The following ANKRD31 variants were observed in gnomAD, a reference collection of about 807,000 sequenced individuals.
ANKRD31 encodes ankyrin repeat domain 31, also known as ankyrin repeat domain-containing protein 31.
Under a neutral mutation model 186.0 loss-of-function variants are expected in ANKRD31, and 147 were observed. The ratio of observed to expected loss-of-function variants is 0.79; its 90% CI spans 0.69 to 0.91. The LOEUF is 0.91. Ranked by LOEUF, ANKRD31 falls within the 40% of genes least tolerant of loss-of-function variation. The pLI, the probability that ANKRD31 is intolerant of heterozygous loss-of-function variation, is 0.00. For synonymous variants in ANKRD31, 673 were observed against 736.4 expected, an observed-to-expected ratio of 0.91 and a Z score of 1.39; for missense variants, 1,986 against 2,148.8, an observed-to-expected ratio of 0.92 and a Z score of 1.50.
intron 1 of ANKRD31, among the ~76,000 whole-genome samples, chr5:75,235,148 C>T (rs1228372374): frequency 1.3e-5 from 2 of 148,714 alleles, no homozygotes; most frequent in Non-Finnish European, 3.0e-5. Context: ...CCTTATTGTT[C>T]TTATTTTTCA....
Position 75,236,718 on chromosome 5 carries a change from T to G in ANKRD31, c.-32A>C, listed in dbSNP as rs1454991672. 6.0e-6 allele frequency: 9 copies of G among 1,492,988 alleles called. No individual in the cohort carries two copies. In the South Asian group the frequency reaches 1.1e-4, roughly 18 times the overall value. The allele number at this position is 1,492,988 out of a possible 1,614,324, so 92.5% of individuals were successfully genotyped here. A position where few individuals can be genotyped will look rare whatever the true frequency, so the allele number is the denominator to read the frequency against. Reference sequence around the variant, plus strand: ...CTCACATTCAAAGTCTTTTTTACCCTCCTCTAACTCCCTCTTGCCCGCAAA... The same window carrying G: ...CTCACATTCAAAGTCTTTTTTACCCGCCTCTAACTCCCTCTTGCCCGCAAA... On this transcript the variant is annotated 5_prime_UTR_variant, in exon 1 of 26. Coordinates refer to ENST00000506364, the MANE Select transcript of ANKRD31 (RefSeq NM_001372053.1).
intron 17 of ANKRD31, among the ~76,000 whole-genome samples, chr5:75,137,175 A>C (rs1750654864): frequency 6.6e-6 from 1 of 152,152 alleles, no homozygotes; most frequent in African/African-American, 2.4e-5. Context: ...TAAAAAAAGT[A>C]GATACTTTAA....
chr5:75,182,334 T>A (rs72768335), intron 10 of ANKRD31, among the ~76,000 whole-genome samples: 1 of 152,180 alleles, frequency 6.6e-6, no homozygotes, highest in South Asian at 2.1e-4. Flanking sequence ...AGTCGTTAAC[T>A]TTGGAATGCA....
intron 22 of ANKRD31, among the ~76,000 whole-genome samples, chr5:75,099,805 A>G (rs993450625): frequency 6.6e-6 from 1 of 151,938 alleles, no homozygotes; most frequent in Admixed American, 6.6e-5. Flanking sequence ...TATTGCGTCT[A>G]TTTGACTCTT....
chr5:75,132,500 G>A (rs1038988541), intron 17 of ANKRD31, among the ~76,000 whole-genome samples: 7 of 152,096 alleles, frequency 4.6e-5, no homozygotes, highest in African/African-American at 1.2e-4. Flanking sequence ...AAAGCCCCCA[G>A]GAAATATGGG....
rs1339448333 is a variant in ANKRD31 at position 75,192,771 on chromosome 5, T to C, written c.1304A>G (p.Gln435Arg). 7 of 1,528,908 alleles carry C rather than the reference T, an allele frequency of 4.6e-6. No individual in the cohort carries two copies. In the South Asian group the frequency reaches 8.5e-5, roughly 19 times the overall value. The allele number at this position is 1,528,908 out of a possible 1,614,324, so 94.7% of individuals were successfully genotyped here. A position where few individuals can be genotyped will look rare whatever the true frequency, so the allele number is the denominator to read the frequency against. Residue 435 changes from glutamine to arginine, a missense_variant, in exon 9 of 26, where the codon CAG becomes CGG. Transcript: ENST00000506364. The stretch of plus-strand genomic sequence containing the variant: ...ACCATCAATCATTAAAGCCGGATCC[T>C]GCATTCTTGAAAAACAACGTATTTT... The part of the protein sequence containing the change: ...NNSSAQNFRM[Q>R]DPALMIDGKE...
chr5:75,195,496 GT>G (rs1444104348), intron 7 of ANKRD31, 134 bp downstream of exon 7: 2 of 708,134 alleles, frequency 2.8e-6, no homozygotes, highest in African/African-American at 1.8e-5. Flanking sequence ...ATGAAAACTT[GT>G]TGAAGTTTAA....
At chr5:75,094,774 T>C (rs1199501616) in intron 22 of ANKRD31, among the ~76,000 whole-genome samples, 1 of 152,136 alleles carries the variant, frequency 6.6e-6, no homozygotes, top group African/African-American at 2.4e-5. Context: ...GACCCAACTA[T>C]ATAATGCATA....
chr5:75,190,166 C>G (rs1755005759), intron 9 of ANKRD31, among the ~76,000 whole-genome samples: 1 of 151,934 alleles, frequency 6.6e-6, no homozygotes, highest in Non-Finnish European at 1.5e-5. Context: ...ACTACAGGCA[C>G]ATACCACCAT....
chr5:75,174,020 C>T (rs1753572682), intron 10 of ANKRD31, among the ~76,000 whole-genome samples: 2 of 152,074 alleles, frequency 1.3e-5, no homozygotes, highest in African/African-American at 4.8e-5. Flanking sequence ...GGTACTCGTA[C>T]CAAAACAGAT....
intron 24 of ANKRD31, among the ~76,000 whole-genome samples, chr5:75,082,439 G>GA (rs1187857712): frequency 2.0e-5 from 3 of 151,560 alleles, no homozygotes; most frequent in Non-Finnish European, 2.9e-5. Flanking sequence ...GGGACACTAG[G>GA]AAAAAAAAGA....
Position 75,144,058 on chromosome 5 carries a change from T to C in ANKRD31, c.3538A>G (p.Lys1180Glu), listed in dbSNP as rs542879931. ...IHMPTNSQEH[K>E]TVQNFRKRQS... ...CTTTTTCTGAAATTCTGAACTGTTT[T>C]GTGTTCTTGGCTATTAGTAGGCATG... is the stretch of plus-strand genomic sequence containing the variant. Residue 1180 changes from lysine to glutamate, a missense_variant, in exon 15 of 26, where the codon AAA (lysine) becomes GAA (glutamate). Lys to Glu is a moderately conservative substitution (Grantham distance 56, BLOSUM62 1). Transcript: ENST00000506364. 12 of 397,612 alleles carry C rather than the reference T, an allele frequency of 3.0e-5. No homozygotes were observed. The highest frequency in any genetic ancestry group is 2.3e-4 in the African/African-American group (11 of 48,702). The allele number at this position is 397,612 out of a possible 1,614,324, so 24.6% of individuals were successfully genotyped here. A position where few individuals can be genotyped will look rare whatever the true frequency, so the allele number is the denominator to read the frequency against.
At chr5:75,109,117 AT>A (rs1201347511) in intron 20 of ANKRD31, among the ~76,000 whole-genome samples, 2 of 152,212 alleles carry the variant, frequency 1.3e-5, no homozygotes, top group Admixed American at 1.3e-4. Context: ...GATGAGAGAA[AT>A]TATTCAACAA....
chr5:75,225,932 T>G (rs1313700422), intron 2 of ANKRD31, among the ~76,000 whole-genome samples: 1 of 152,152 alleles, frequency 6.6e-6, no homozygotes, highest in Admixed American at 6.5e-5. Flanking sequence ...AGCCCACTGC[T>G]CTGAAGGGTG....
intron 25 of ANKRD31, among the ~76,000 whole-genome samples, chr5:75,076,351 A>G (rs1440580825): frequency 6.6e-6 from 1 of 152,130 alleles, no homozygotes; most frequent in African/African-American, 2.4e-5. Context: ...CCCCACCCCA[A>G]GTTTCAATAA....
chr5:75,224,491 T>C (rs1757520734), intron 2 of ANKRD31, among the ~76,000 whole-genome samples: 1 of 151,758 alleles, frequency 6.6e-6, no homozygotes, highest in Non-Finnish European at 1.5e-5. Context: ...AAAATGGACA[T>C]ACACACACAC....
Position 75,094,938 on chromosome 5 carries a change from T to C in ANKRD31, c.5332-3537A>G, listed in dbSNP as rs541797288. ...AAAGAGAAATTGTTACAAGAGATGATGGGGGACATTTTATAATGCTAAGAG... is the reference window on the plus strand; with the variant it reads ...AAAGAGAAATTGTTACAAGAGATGACGGGGGACATTTTATAATGCTAAGAG... On this transcript the variant is annotated intron_variant, in intron 22 of 25. Transcript: ENST00000506364. Among the ~76,000 whole-genome samples the C allele has an allele frequency of 1.1e-4, 17 of 152,124 alleles. No homozygotes were observed. The East Asian group carries it at 3.1e-3, about 28-fold the overall frequency.
Position 75,112,495 on chromosome 5 carries a change from G to C in ANKRD31, c.4243+18C>G. 1 of 1,411,328 alleles carries C rather than the reference G, an allele frequency of 7.1e-7. No homozygotes were observed. Among genetic ancestry groups the C allele is most frequent in the Non-Finnish European group, 9.6e-7 (1 of 1,044,370 alleles). 87.4% of individuals were successfully genotyped at this position (1,411,328 alleles called of 1,614,324 possible). A position where few individuals can be genotyped will look rare whatever the true frequency, so the allele number is the denominator to read the frequency against. On this transcript the variant is annotated intron_variant, in intron 20 of 25. Coordinates refer to ENST00000506364, the MANE Select transcript of ANKRD31 (RefSeq NM_001372053.1). ...GGGTATCTGAAAATATCATACTTGA[G>C]TATGAGTCTATATTTACCTGCATCT...
intron 24 of ANKRD31, 125 bp downstream of exon 24, chr5:75,084,147 T>C (rs1745299510): frequency 1.4e-6 from 1 of 718,312 alleles, no homozygotes; most frequent in East Asian, 2.7e-5. Context: ...CACCTTGAAA[T>C]AGTTAATTAT....
Sources: gnomAD v4.1 joint callset for allele counts (sites outside exome capture counted in the v4.1 genomes callset) on GRCh38, gnomAD v4.1.1 for gene constraint, MANE v1.5 for transcripts, NCBI Gene and HGNC (gene_info 2026-07-23, HGNC 2026-07-21) for gene names.